Variants in ZNF492 observed in about 807,000 individuals in gnomAD.
ZNF492 encodes zinc finger protein 115 (Y20).
In ZNF492, 3 loss-of-function variants were observed where a neutral mutation model predicts 6.4. The observed-to-expected ratio is 0.47, with a 90% confidence interval of 0.21 to 1.22. The LOEUF (loss-of-function observed/expected upper bound fraction) is 1.22. ZNF492 is among the 50% of genes most tolerant of loss of function. The pLI is 0.22. For missense variants in ZNF492, 356 were observed against 612.5 expected (o/e 0.58, Z 4.42); for synonymous variants, 112 against 205.3 (o/e 0.55, Z 3.89).
chr19:22,635,913 A>G (rs999123373), intron 1 of ZNF492, among the ~76,000 whole-genome samples: 1 of 152,160 alleles, frequency 6.6e-6, no homozygotes, highest in African/African-American at 2.4e-5. Context: ...CAGGTTTGTT[A>G]TACAGCTAAA....
rs1422015252 is a variant in ZNF492 at position 22,667,003 on chromosome 19, T to C, written c.*1738T>C. The C allele has an allele frequency of 2.0e-5, 3 of 152,156 alleles. No homozygotes were observed. Among genetic ancestry groups the C allele is most frequent in the South Asian group, 2.1e-4 (1 of 4,812 alleles). The allele number at this position is 152,156 out of a possible 1,614,324, so 9.4% of individuals were successfully genotyped here. On this transcript the variant is annotated 3_prime_UTR_variant, in exon 4 of 4. Coordinates refer to ENST00000456783, the MANE Select transcript of ZNF492 (RefSeq NM_020855.3). The stretch of plus-strand genomic sequence containing the variant: ...CAGCACTTTGGGAGGCAAAGGTGGG[T>C]AGATCACCTGAGGTCGGGAGTTCAA...
At chr19:22,644,125 A>C (rs1971854606) in intron 1 of ZNF492, among the ~76,000 whole-genome samples, 1 of 150,846 alleles carries the variant, frequency 6.6e-6, no homozygotes, top group African/African-American at 2.4e-5. Context: ...TGTGGTGCTG[A>C]CACTTTTCAA....
intron 1 of ZNF492, among the ~76,000 whole-genome samples, chr19:22,652,003 T>C (rs1971944227): frequency 6.6e-6 from 1 of 152,122 alleles, no homozygotes; most frequent in South Asian, 2.1e-4. Flanking sequence ...ATAATTTACT[T>C]TTGGCTGGGC....
At chr19:22,648,409 G>T (rs1277839616) in intron 1 of ZNF492, among the ~76,000 whole-genome samples, 1 of 152,190 alleles carries the variant, frequency 6.6e-6, no homozygotes, top group Non-Finnish European at 1.5e-5. Flanking sequence ...GCACTGAGAA[G>T]AATGTATATT....
At chr19:22,652,488 T>G (rs1971950567) in intron 1 of ZNF492, among the ~76,000 whole-genome samples, 1 of 151,912 alleles carries the variant, frequency 6.6e-6, no homozygotes, top group African/African-American at 2.4e-5. Context: ...TTACTGGATG[T>G]TTGACAAAAT....
chr19:22,653,220 C>G (rs1971959738), intron 1 of ZNF492, 87 bp from the exon 2 acceptor site: 2 of 1,487,278 alleles, frequency 1.3e-6, no homozygotes, highest in African/African-American at 1.4e-5. Flanking sequence ...AACCAGTTCT[C>G]TTTACTCTTG....
At chr19:22,644,052 A>C (rs1427191264) in intron 1 of ZNF492, among the ~76,000 whole-genome samples, 1 of 151,154 alleles carries the variant, frequency 6.6e-6, no homozygotes, top group Non-Finnish European at 1.5e-5. Context: ...AAAGTACAGA[A>C]ATGGGTGGAG....
chr19:22,663,895 T>A lies in ZNF492; in HGVS notation c.226T>A (p.Cys76Ser), dbSNP rs62118831. The A allele has an allele frequency of 1.6e-5, 25 of 1,550,156 alleles. No individual in the cohort carries two copies. The South Asian group carries it at 2.6e-4, about 16-fold the overall frequency. Residue 76 changes from cysteine to serine, a missense_variant, in exon 4 of 4, where the codon TGT (cysteine) becomes AGT (serine). Cys to Ser is a moderately radical substitution (Grantham distance 112, BLOSUM62 -1). Coordinates refer to ENST00000456783, the MANE Select transcript of ZNF492 (RefSeq NM_020855.3). ...VILRRYKKCGCENLQLRKYCK... is the reference protein window; with the variant it reads ...VILRRYKKCGSENLQLRKYCK... ...ACTGAGAAGATATAAAAAATGTGGA[T>A]GTGAAAATTTACAGTTAAGAAAATA...
At chr19:22,646,054 G>A (rs1221599410) in intron 1 of ZNF492, among the ~76,000 whole-genome samples, 1 of 152,056 alleles carries the variant, frequency 6.6e-6, no homozygotes, top group Non-Finnish European at 1.5e-5. Context: ...CTAATTCTGT[G>A]AAGAATGTGA....
intron 1 of ZNF492, among the ~76,000 whole-genome samples, chr19:22,644,007 A>G (rs181806810): frequency 6.6e-6 from 1 of 151,710 alleles, no homozygotes; most frequent in East Asian, 1.9e-4. Context: ...TTATATCTGT[A>G]GAGCAGCTCA....
chr19:22,634,454 C>T lies in ZNF492; in HGVS notation c.-114C>T. ...GAGATCCACAGCTAAGACGCTAGGA[C>T]CCCCTGGAAGCCTAGAAACGGTGAG... is the stretch of plus-strand genomic sequence containing the variant. On this transcript the variant is annotated 5_prime_UTR_variant, in exon 1 of 4. Transcript: ENST00000456783. The T allele has an allele frequency of 1.4e-6, 2 of 1,381,532 alleles. No individual in the cohort carries two copies. Among genetic ancestry groups the T allele is most frequent in the South Asian group, 2.3e-5 (2 of 86,606 alleles). The allele number at this position is 1,381,532 out of a possible 1,614,324, so 85.6% of individuals were successfully genotyped here. A position where few individuals can be genotyped will look rare whatever the true frequency, so the allele number is the denominator to read the frequency against.
At chr19:22,640,165 AT>A (rs202184886) in intron 1 of ZNF492, among the ~76,000 whole-genome samples, 41 of 146,950 alleles carry the variant, frequency 2.8e-4, no homozygotes, top group Middle Eastern at 3.5e-3. Context: ...TTCATGTGTG[AT>A]TTTTTTTTTT....
intron 1 of ZNF492, among the ~76,000 whole-genome samples, chr19:22,647,713 T>G (rs190701658): frequency 6.7e-6 from 1 of 148,682 alleles, no homozygotes; most frequent in African/African-American, 2.5e-5. Context: ...TGCTCTTGCT[T>G]TCTAGCTCTT....
chr19:22,646,815 A>T (rs573478384), intron 1 of ZNF492, among the ~76,000 whole-genome samples: 1 of 149,742 alleles, frequency 6.7e-6, no homozygotes, highest in Non-Finnish European at 1.5e-5. Flanking sequence ...GTCATGAATT[A>T]TGTTTATTGA....
chr19:22,644,841 A>G (rs920802391), intron 1 of ZNF492, among the ~76,000 whole-genome samples: 63 of 152,310 alleles, frequency 4.1e-4, no homozygotes, highest in African/African-American at 1.5e-3. Flanking sequence ...ACACATTCTC[A>G]CCAACAGTGT....
chr19:22,634,336 C>T lies in ZNF492; in HGVS notation c.-232C>T. ...GGGATGTGGCGGGGTCTTTGTCTCT[C>T]GCTGCAGTCGGAGTATGGTCTAGTG... is the stretch of plus-strand genomic sequence containing the variant. On this transcript the variant is annotated 5_prime_UTR_variant, in exon 1 of 4. Coordinates refer to ENST00000456783, the MANE Select transcript of ZNF492 (RefSeq NM_020855.3). The T allele has an allele frequency of 1.0e-6, 1 of 969,914 alleles. No homozygotes were observed. The highest frequency in any genetic ancestry group is 2.0e-5 in the Admixed American group (1 of 48,816). The allele number at this position is 969,914 out of a possible 1,614,324, so 60.1% of individuals were successfully genotyped here. A position where few individuals can be genotyped will look rare whatever the true frequency, so the allele number is the denominator to read the frequency against.
intron 1 of ZNF492, among the ~76,000 whole-genome samples, chr19:22,645,951 G>A (rs1971873064): frequency 6.6e-6 from 1 of 152,166 alleles, no homozygotes; most frequent in South Asian, 2.1e-4. Flanking sequence ...AAGTCAGGTA[G>A]TGTGATGCCT....
chr19:22,663,451 A>T (rs1972078216), intron 3 of ZNF492, among the ~76,000 whole-genome samples: 1 of 152,104 alleles, frequency 6.6e-6, no homozygotes. Flanking sequence ...CCATTATTTT[A>T]CTTGTCTTTT....
At chr19:22,656,955 T>G (rs1351035632) in intron 3 of ZNF492, among the ~76,000 whole-genome samples, 2 of 152,108 alleles carry the variant, frequency 1.3e-5, no homozygotes, top group Non-Finnish European at 2.9e-5. Context: ...ATGATTCCTG[T>G]TTCTCTCATA....
Sources: gnomAD v4.1 joint callset for allele counts (sites outside exome capture counted in the v4.1 genomes callset) on GRCh38, gnomAD v4.1.1 for gene constraint, MANE v1.5 for transcripts, NCBI Gene and HGNC (gene_info 2026-07-23, HGNC 2026-07-21) for gene names.